SLC24A4: variants seen among roughly 807,000 people sequenced by gnomAD.
SLC24A4 encodes the protein solute carrier family 24 member 4, also known as sodium/potassium/calcium exchanger 4.
A neutral mutation model predicts 79.0 loss-of-function variants in SLC24A4; 53 were observed. The ratio of observed to expected loss-of-function variants is 0.67; its 90% CI spans 0.54 to 0.84. The LOEUF (loss-of-function observed/expected upper bound fraction) is 0.84, where lower values mean the gene tolerates loss of function less well. Ranked by LOEUF, SLC24A4 falls within the 40% of genes least tolerant of loss-of-function variation. SLC24A4 has a pLI of 0.00. For missense variants in SLC24A4, 731 were observed against 822.0 expected (o/e 0.89, Z 1.35); for synonymous variants, 323 against 323.8 (o/e 1.00, Z 0.03).
At chr14:92,459,468 A>G (rs1281368450) in intron 12 of SLC24A4, among the ~76,000 whole-genome samples, 1 of 152,126 alleles carries the variant, frequency 6.6e-6, no homozygotes, top group Non-Finnish European at 1.5e-5. Context: ...TTCCTGCTAG[A>G]TAGGGGCCCA....
intron 13 of SLC24A4, chr14:92,483,872 C>T (rs1595358738): frequency 3.1e-6 from 4 of 1,289,382 alleles, no homozygotes; most frequent in African/African-American, 1.5e-5. Context: ...AGAAGGCAAG[C>T]GATCTTGACA....
Position 92,363,640 on chromosome 14 carries a change from G to A in SLC24A4, c.241+37662G>A, listed in dbSNP as rs1193412425. Among the ~76,000 whole-genome samples, 3 of 152,126 alleles carry A rather than the reference G, an allele frequency of 2.0e-5. No individual in the cohort carries two copies. In the East Asian group the frequency reaches 5.8e-4, roughly 29 times the overall value. The stretch of plus-strand genomic sequence containing the variant: ...AGGTCAAGAGATCAAGACCATCCTG[G>A]CCAACATGGTGAAACCTTGTCTCTA... On this transcript the variant is annotated intron_variant, in intron 2 of 16. Coordinates refer to ENST00000532405, the MANE Select transcript of SLC24A4 (RefSeq NM_153646.4).
At chr14:92,378,538 C>T (rs1888649319) in intron 2 of SLC24A4, among the ~76,000 whole-genome samples, 1 of 152,180 alleles carries the variant, frequency 6.6e-6, no homozygotes. Context: ...TTCTCCACCT[C>T]CGTAATGTGT....
intron 2 of SLC24A4, among the ~76,000 whole-genome samples, chr14:92,378,740 A>T (rs749858737): frequency 8.5e-5 from 13 of 152,214 alleles, no homozygotes; most frequent in Non-Finnish European, 1.3e-4. Context: ...AATGAAGCAG[A>T]TGTTTTTATT....
At chr14:92,375,562 A>G (rs1284239933) in intron 2 of SLC24A4, among the ~76,000 whole-genome samples, 1 of 152,248 alleles carries the variant, frequency 6.6e-6, no homozygotes, top group Non-Finnish European at 1.5e-5. Flanking sequence ...CCAAATGTCT[A>G]TCAGCTGATG....
chr14:92,478,650 TTTG>T (rs1278147901), intron 12 of SLC24A4, among the ~76,000 whole-genome samples: 6 of 141,080 alleles, frequency 4.3e-5, no homozygotes, highest in African/African-American at 1.3e-4. Context: ...CCAGCTTTGT[TTTG>T]TTTTTTTTTC....
chr14:92,356,848 G>A (rs563810130), intron 2 of SLC24A4, among the ~76,000 whole-genome samples: 9 of 152,200 alleles, frequency 5.9e-5, no homozygotes, highest in Admixed American at 3.9e-4. Context: ...ACAGCTTCCT[G>A]TCCCTGAGGA....
chr14:92,343,638 T>C lies in SLC24A4; in HGVS notation c.241+17660T>C, dbSNP rs61435948. On this transcript the variant is annotated intron_variant, in intron 2 of 16. Transcript: ENST00000532405. ...TTTCTTTCTTTCTTTCTTTCTTTCT[T>C]TCTCTCTTTCCTTCTTTCCTTCCTT... Among the ~76,000 whole-genome samples the C allele has an allele frequency of 4.5e-3, 571 of 126,352 alleles. 2 individuals are homozygous for C. Among genetic ancestry groups the C allele is most frequent in the Middle Eastern group, 0.016 (4 of 248 alleles). 82.9% of individuals were successfully genotyped at this position (126,352 alleles called of 152,430 possible). A position where few individuals can be genotyped will look rare whatever the true frequency, so the allele number is the denominator to read the frequency against.
intron 2 of SLC24A4, among the ~76,000 whole-genome samples, chr14:92,429,641 C>T (rs1390136997): frequency 6.6e-6 from 1 of 152,134 alleles, no homozygotes; most frequent in Non-Finnish European, 1.5e-5. Flanking sequence ...GAACAGAGGG[C>T]CTGCTCCTGG....
Position 92,463,693 on chromosome 14 carries a change from G to A in SLC24A4, c.1255+7085G>A, listed in dbSNP as rs552793352. ...CTTATCATAATATTCATTCCTTTAA[G>A]TGTACAATTCAGTGGCTTTTAATAT... On this transcript the variant is annotated intron_variant, in intron 12 of 16. Coordinates refer to ENST00000532405, the MANE Select transcript of SLC24A4 (RefSeq NM_153646.4). 1.2e-4 allele frequency among the ~76,000 whole-genome samples: 18 copies of A among 152,144 alleles called. No individual in the cohort carries two copies. The East Asian group carries it at 3.5e-3, about 29-fold the overall frequency.
chr14:92,439,524 C>A, intron 4 of SLC24A4, 115 bp downstream of exon 4: 1 of 931,714 alleles, frequency 1.1e-6, no homozygotes, highest in Non-Finnish European at 1.7e-6. Context: ...CAAAGACTGT[C>A]ACACCGAGCA....
intron 12 of SLC24A4, among the ~76,000 whole-genome samples, chr14:92,479,588 G>A (rs946687856): frequency 6.6e-6 from 1 of 152,158 alleles, no homozygotes; most frequent in African/African-American, 2.4e-5. Flanking sequence ...CTATCTATAT[G>A]TTACTGGATT....
In SLC24A4 at chr14:92,323,942, G is replaced by C; in HGVS notation, c.112G>C (p.Gly38Arg). The C allele has an allele frequency of 1.2e-6, 2 of 1,610,952 alleles. No individual in the cohort carries two copies. Among genetic ancestry groups the C allele is most frequent in the Non-Finnish European group, 1.7e-6 (2 of 1,179,428 alleles). ...AVLALVCCAS[G>R]LFGSLGHKTA... ...GCTGGCCCTGGTGTGCTGTGCGTCCGGCCTCTTCGGCAGCTTGGGTGGGTG... is the reference window on the plus strand; with the variant it reads ...GCTGGCCCTGGTGTGCTGTGCGTCCCGCCTCTTCGGCAGCTTGGGTGGGTG... Residue 38 changes from glycine to arginine, a missense_variant, in exon 1 of 17, where the codon GGC becomes CGC. Physicochemically the swap from Gly to Arg is moderately radical, Grantham distance 125. Transcript: ENST00000532405. This position sits in a 1 kb window ranked among gnomAD's most constrained non-coding sequence, Gnocchi z 4.9.
At chr14:92,329,078 T>C (rs1885319707) in intron 2 of SLC24A4, among the ~76,000 whole-genome samples, 1 of 152,246 alleles carries the variant, frequency 6.6e-6, no homozygotes, top group African/African-American at 2.4e-5. Context: ...TCATAAAGAA[T>C]TGCAGGCTAT....
At chr14:92,330,134 G>A (rs1248823281) in intron 2 of SLC24A4, among the ~76,000 whole-genome samples, 1 of 115,078 alleles carries the variant, frequency 8.7e-6, no homozygotes, top group Non-Finnish European at 1.8e-5. Context: ...CTGGGAGCAT[G>A]TCAGGAATGC....
intron 14 of SLC24A4, among the ~76,000 whole-genome samples, chr14:92,488,258 G>A (rs112750168): frequency 0.014 from 2,163 of 151,948 alleles, 42 homozygotes; most frequent in African/African-American, 0.05. Flanking sequence ...TTTTAGTAGA[G>A]ACAAGGTTTC....
At chr14:92,361,503 A>G (rs559197976) in intron 2 of SLC24A4, among the ~76,000 whole-genome samples, 2 of 122,996 alleles carry the variant, frequency 1.6e-5, no homozygotes, top group South Asian at 4.6e-4. Context: ...AATGGAAAGG[A>G]AAAAAAAAAA....
chr14:92,381,095 G>A (rs887568424), intron 2 of SLC24A4, among the ~76,000 whole-genome samples: 1 of 152,148 alleles, frequency 6.6e-6, no homozygotes, highest in Non-Finnish European at 1.5e-5. Context: ...ATGCCAAAAG[G>A]ATTATAAATC....
intron 2 of SLC24A4, among the ~76,000 whole-genome samples, chr14:92,372,039 G>A (rs1888198711): frequency 1.3e-5 from 2 of 152,236 alleles, no homozygotes; most frequent in Non-Finnish European, 2.9e-5. Flanking sequence ...TCCTGACCTA[G>A]TATGGATGTG....
Sources: allele counts gnomAD v4.1 joint callset (sites outside exome capture counted in the v4.1 genomes callset), GRCh38; gene constraint gnomAD v4.1.1; non-coding constraint Gnocchi (gnomAD v3.1); transcripts MANE v1.5; gene names NCBI Gene and HGNC (gene_info 2026-07-23, HGNC 2026-07-21).